SUPT3H: variants seen among roughly 807,000 people sequenced by gnomAD.
SUPT3H encodes SPT3 homolog, SAGA and STAGA complex component.
SUPT3H carries 44 observed loss-of-function variants against 44.3 expected under a neutral mutation model. The ratio of observed to expected loss-of-function variants is 0.99; its 90% CI spans 0.78 to 1.28. The LOEUF (loss-of-function observed/expected upper bound fraction) is 1.28. Ranked by LOEUF, SUPT3H falls within the 50% of genes most tolerant of loss-of-function variation. The pLI, the probability that SUPT3H is intolerant of heterozygous loss-of-function variation, is 0.00. For synonymous variants in SUPT3H, 124 were observed against 125.6 expected, an observed-to-expected ratio of 0.99 and a Z score of 0.09; for missense variants, 380 against 387.1, an observed-to-expected ratio of 0.98 and a Z score of 0.15.
intron 10 of SUPT3H, among the ~76,000 whole-genome samples, chr6:44,859,109 A>G (rs1279063315): frequency 6.6e-6 from 1 of 152,218 alleles, no homozygotes; most frequent in African/African-American, 2.4e-5. Context: ...AGGTAAAAAG[A>G]GTCCATCTAA....
Position 44,901,650 on chromosome 6 carries a change from T to C in SUPT3H, c.912+31003A>G, listed in dbSNP as rs1482386684. 2.0e-5 allele frequency among the ~76,000 whole-genome samples: 3 copies of C among 151,502 alleles called. No individual in the cohort carries two copies. The East Asian group carries it at 5.8e-4, about 29-fold the overall frequency. ...CCAATCTAGCAAGGCAGGCCAACATTCAGATTCAGGAAATACAGAGAACGC... is the reference window on the plus strand; with the variant it reads ...CCAATCTAGCAAGGCAGGCCAACATCCAGATTCAGGAAATACAGAGAACGC... On this transcript the variant is annotated intron_variant, in intron 10 of 10. Transcript: ENST00000371459.
rs1796284872 is a variant in SUPT3H at position 45,084,803 on chromosome 6, C to G, written c.186+21119G>C. 2.0e-5 allele frequency among the ~76,000 whole-genome samples: 3 copies of G among 152,150 alleles called. No individual in the cohort carries two copies. The South Asian group carries it at 6.2e-4, about 32-fold the overall frequency. ...GCCATAAAAAAGAATGAAATCATGT[C>G]CTTTGCAGAAACATTGATATAGCTG... On this transcript the variant is annotated intron_variant, in intron 3 of 10. Coordinates refer to ENST00000371459, the MANE Select transcript of SUPT3H (RefSeq NM_003599.4).
At chr6:44,984,394 T>C (rs1229137894) in intron 6 of SUPT3H, among the ~76,000 whole-genome samples, 1 of 152,092 alleles carries the variant, frequency 6.6e-6, no homozygotes, top group East Asian at 1.9e-4. Context: ...AAATAGTGAA[T>C]AAAATTTTTA....
At chr6:45,021,117 A>C (rs1247936018) in intron 3 of SUPT3H, among the ~76,000 whole-genome samples, 1 of 151,958 alleles carries the variant, frequency 6.6e-6, no homozygotes, top group African/African-American at 2.4e-5. Context: ...AAATACGTTT[A>C]GTTTTGGCAA....
At chr6:45,014,344 T>C (rs1783927278) in intron 5 of SUPT3H, among the ~76,000 whole-genome samples, 1 of 152,094 alleles carries the variant, frequency 6.6e-6, no homozygotes, top group East Asian at 1.9e-4. Context: ...CTATCATTCA[T>C]TTAGTGGCAG....
At position 45,230,662 on chromosome 6, in the gene SUPT3H, CTATATATATATA is replaced by C. The variant is rs66480751; in HGVS notation, c.102-124668_102-124657del. On this transcript the variant is annotated intron_variant, in intron 2 of 10. Coordinates refer to ENST00000371459, the MANE Select transcript of SUPT3H (RefSeq NM_003599.4). ...AAATCATGTTTTAAATTCATTCAGT[CTATATATATATA>C]TATATATATATATTTTTGAGATGGA... Among the ~76,000 whole-genome samples the C allele has an allele frequency of 5.2e-4, 36 of 68,742 alleles. 1 individual carries two copies. Among genetic ancestry groups the C allele is most frequent in the Middle Eastern group, 7.2e-3 (1 of 138 alleles). The allele number at this position is 68,742 out of a possible 152,430, so 45.1% of individuals were successfully genotyped here. A position where few individuals can be genotyped will look rare whatever the true frequency, so the allele number is the denominator to read the frequency against.
intron 3 of SUPT3H, among the ~76,000 whole-genome samples, chr6:45,025,817 A>C (rs1373923404): frequency 6.7e-6 from 1 of 150,036 alleles, no homozygotes; most frequent in Non-Finnish European, 1.5e-5. Flanking sequence ...CAAGAGGCGG[A>C]GCTTTCAGTG....
chr6:45,252,896 G>A (rs1056557336), intron 2 of SUPT3H, among the ~76,000 whole-genome samples: 1 of 152,014 alleles, frequency 6.6e-6, no homozygotes, highest in African/African-American at 2.4e-5. Flanking sequence ...TTATTCCTGG[G>A]AGGACTGGAT....
At chr6:45,355,474 T>C (rs1792986899) in intron 2 of SUPT3H, among the ~76,000 whole-genome samples, 2 of 152,108 alleles carry the variant, frequency 1.3e-5, no homozygotes, top group Non-Finnish European at 2.9e-5. Flanking sequence ...TGGGGGTTAA[T>C]TGTTCCTAAA....
At chr6:45,328,382 G>A in intron 2 of SUPT3H, 3 of 1,394,558 alleles carry the variant, frequency 2.2e-6, no homozygotes, top group Non-Finnish European at 2.9e-6. Flanking sequence ...ACTTTCTCCA[G>A]GAGGACAGCA....
chr6:44,989,211 C>T, intron 6 of SUPT3H, among the ~76,000 whole-genome samples: 1 of 152,096 alleles, frequency 6.6e-6, no homozygotes, highest in Non-Finnish European at 1.5e-5. Context: ...GGTTACACTG[C>T]ATGTATAAGT....
rs985340668 is a variant in SUPT3H at position 44,827,433 on chromosome 6, C to T, written c.*2383G>A. ...ATACCGACTGAAAATTAGGGACCAT[C>T]GATTCTCATCTCTGGTCTGTCACTA... On this transcript the variant is annotated 3_prime_UTR_variant, in exon 11 of 11. Transcript: ENST00000371459. Among the ~76,000 whole-genome samples the T allele has an allele frequency of 1.3e-5, 2 of 152,150 alleles. No homozygotes were observed. The highest frequency in any genetic ancestry group is 2.9e-5 in the Non-Finnish European group (2 of 67,942).
intron 2 of SUPT3H, among the ~76,000 whole-genome samples, chr6:45,313,825 G>A (rs1482324635): frequency 6.6e-6 from 1 of 151,850 alleles, no homozygotes; most frequent in East Asian, 1.9e-4. Context: ...CAAAACCAGG[G>A]AAGGACATAA....
intron 2 of SUPT3H, among the ~76,000 whole-genome samples, chr6:45,347,805 T>G (rs1401986937): frequency 6.6e-6 from 1 of 151,980 alleles, no homozygotes; most frequent in Non-Finnish European, 1.5e-5. Context: ...ACACTGTTTG[T>G]CTATTTATCA....
intron 2 of SUPT3H, among the ~76,000 whole-genome samples, chr6:45,310,275 G>T (rs964576307): frequency 9.9e-5 from 15 of 152,178 alleles, no homozygotes; most frequent in African/African-American, 3.4e-4. Flanking sequence ...GCCACAGCAA[G>T]ACGGCCCAAG....
chr6:45,339,208 C>G (rs968401444), intron 2 of SUPT3H, among the ~76,000 whole-genome samples: 4 of 152,026 alleles, frequency 2.6e-5, no homozygotes, highest in Admixed American at 2.6e-4. Context: ...AATTCACTAG[C>G]CTATACAAGA....
At chr6:44,814,722 G>C (rs996806994) in intron 11 of SUPT3H, among the ~76,000 whole-genome samples, 1 of 152,072 alleles carries the variant, frequency 6.6e-6, no homozygotes, top group Non-Finnish European at 1.5e-5. Flanking sequence ...TGTTGCCCAG[G>C]CTGGAGTGCA....
intron 2 of SUPT3H, among the ~76,000 whole-genome samples, chr6:45,129,292 G>A (rs1803031401): frequency 6.6e-6 from 1 of 152,136 alleles, no homozygotes; most frequent in African/African-American, 2.4e-5. Context: ...ACTCACTACT[G>A]ATGTATGTTC....
chr6:45,025,275 C>T (rs1396241374), intron 3 of SUPT3H, among the ~76,000 whole-genome samples: 1 of 152,124 alleles, frequency 6.6e-6, no homozygotes, highest in African/African-American at 2.4e-5. Flanking sequence ...TGTTTCTCAT[C>T]TAACGTAGAT....
Sources: allele counts gnomAD v4.1 joint callset (sites outside exome capture counted in the v4.1 genomes callset), GRCh38; gene constraint gnomAD v4.1.1; transcripts MANE v1.5; gene names NCBI Gene and HGNC (gene_info 2026-07-23, HGNC 2026-07-21).